The following TIAM1 variants were observed in gnomAD, a reference collection of about 807,000 sequenced individuals.
TIAM1 encodes the protein TIAM Rac1 associated GEF 1, also known as rho guanine nucleotide exchange factor TIAM1.
TIAM1 carries 65 observed loss-of-function variants against 163.5 expected under a neutral mutation model. That is an observed-to-expected ratio of 0.40 (90% confidence interval 0.33 to 0.49). The LOEUF (loss-of-function observed/expected upper bound fraction) is 0.49, where lower values mean the gene tolerates loss of function less well. TIAM1 is among the 20% of genes least tolerant of loss of function. The probability of loss-of-function intolerance (pLI) is 0.77; values close to 1 mark genes in which losing one functional copy is unlikely to be tolerated. For missense variants in TIAM1, 1,789 were observed against 2,044.7 expected, an observed-to-expected ratio of 0.87 and a Z score of 2.41; for synonymous variants, 833 against 810.1, an observed-to-expected ratio of 1.03 and a Z score of -0.48.
At chr21:31,229,658 T>C (rs1391494879) in intron 6 of TIAM1, among the ~76,000 whole-genome samples, 51 of 127,484 alleles carry the variant, frequency 4.0e-4, no homozygotes, top group Non-Finnish European at 3.2e-4. Context: ...TCACCCCCCC[T>C]TTTTTTTTTG....
chr21:31,525,812 T>C lies in TIAM1; in HGVS notation c.-422+33115A>G, dbSNP rs546147211. ...ACTTTGGAAGGCTGAGATGGGTGGA[T>C]CATTTGAAGTCAGGAGTTCGAGGCC... On this transcript the variant is annotated intron_variant, in intron 1 of 28. Coordinates refer to the TIAM1 transcript ENST00000286827. Among the ~76,000 whole-genome samples, 197 of 152,146 alleles carry C rather than the reference T, an allele frequency of 1.3e-3. 1 individual carries two copies. Among genetic ancestry groups the C allele is most frequent in the African/African-American group, 4.6e-3 (189 of 41,516 alleles).
At chr21:31,307,603 G>T (rs992839618) in intron 2 of TIAM1, among the ~76,000 whole-genome samples, 5 of 152,144 alleles carry the variant, frequency 3.3e-5, no homozygotes, top group Admixed American at 2.6e-4. Flanking sequence ...AATTGGGGAG[G>T]TGGGTGCGAT....
intron 1 of TIAM1, among the ~76,000 whole-genome samples, chr21:31,495,592 T>G (rs959724602): frequency 1.3e-5 from 2 of 152,202 alleles, no homozygotes; most frequent in Non-Finnish European, 2.9e-5. Flanking sequence ...AGGGGCCACA[T>G]TCGAACCACA....
chr21:31,402,570 T>C (rs1029761532), intron 2 of TIAM1, among the ~76,000 whole-genome samples: 61 of 152,254 alleles, frequency 4.0e-4, no homozygotes, highest in African/African-American at 1.4e-3. Context: ...TGAGTTCACT[T>C]GAGAGAGCTT....
chr21:31,327,469 T>A (rs1414674423), intron 2 of TIAM1, among the ~76,000 whole-genome samples: 1 of 151,362 alleles, frequency 6.6e-6, no homozygotes, highest in East Asian at 1.9e-4. Flanking sequence ...GCAAAACCCA[T>A]CTCTACTAAA....
chr21:31,428,778 G>A (rs2147273645), intron 2 of TIAM1, among the ~76,000 whole-genome samples: 2 of 151,822 alleles, frequency 1.3e-5, no homozygotes, highest in Admixed American at 1.3e-4. Flanking sequence ...AGCTACTGGG[G>A]AGGCTGAGGT....
At chr21:31,366,618 C>T (rs2076508351) in intron 2 of TIAM1, among the ~76,000 whole-genome samples, 1 of 152,042 alleles carries the variant, frequency 6.6e-6, no homozygotes, top group Non-Finnish European at 1.5e-5. Flanking sequence ...AGAGGATGCT[C>T]AGGGGCTTTC....
chr21:31,548,132 C>CTTTTTTTTT (rs553946414), intron 1 of TIAM1, among the ~76,000 whole-genome samples: 2 of 74,996 alleles, frequency 2.7e-5, no homozygotes, highest in African/African-American at 5.4e-5. Context: ...TTATTTGTGT[C>CTTTTTTTTT]TTTTTTTTTT....
chr21:31,494,669 C>T (rs11088176), intron 1 of TIAM1, among the ~76,000 whole-genome samples: 60,437 of 151,948 alleles, frequency 0.4, 12,866 homozygotes, highest in East Asian at 0.76. Context: ...ACGGTGAAAA[C>T]CTGTCTCTAC....
chr21:31,439,432 G>A (rs1255812200), intron 2 of TIAM1, among the ~76,000 whole-genome samples: 1 of 152,160 alleles, frequency 6.6e-6, no homozygotes, highest in Non-Finnish European at 1.5e-5. Context: ...TGGGATTACA[G>A]GCATGCACCA....
chr21:31,498,620 G>A lies in TIAM1; in HGVS notation c.-421-34585C>T, dbSNP rs533917764. On this transcript the variant is annotated intron_variant, in intron 1 of 28. Coordinates refer to the TIAM1 transcript ENST00000286827. ...ATATTTGTATTTGAAAAAGGGTGTG[G>A]GACTAGTGAGAAGTCAAGACATGGG... Among the ~76,000 whole-genome samples, 67 of 152,156 alleles carry A rather than the reference G, an allele frequency of 4.4e-4. 1 individual carries two copies. The highest frequency in any genetic ancestry group is 4.9e-4 in the Non-Finnish European group (33 of 68,036).
intron 10 of TIAM1, among the ~76,000 whole-genome samples, chr21:31,212,114 T>C (rs1256392995): frequency 6.6e-6 from 1 of 152,176 alleles, no homozygotes; most frequent in African/African-American, 2.4e-5. Flanking sequence ...ACAGTGGCCA[T>C]GGATGAGTAT....
At chr21:31,497,724 T>G (rs1278685070) in intron 1 of TIAM1, among the ~76,000 whole-genome samples, 1 of 152,204 alleles carries the variant, frequency 6.6e-6, no homozygotes, top group Non-Finnish European at 1.5e-5. Flanking sequence ...GCAGACAGTT[T>G]GGAGTGGCTT....
At chr21:31,359,062 A>T (rs895741903) in intron 2 of TIAM1, among the ~76,000 whole-genome samples, 1 of 151,992 alleles carries the variant, frequency 6.6e-6, no homozygotes, top group African/African-American at 2.4e-5. Context: ...TAATTTCTTT[A>T]TATTCTTTTA....
intron 2 of TIAM1, among the ~76,000 whole-genome samples, chr21:31,448,892 T>C (rs2044725164): frequency 6.6e-6 from 1 of 152,130 alleles, no homozygotes; most frequent in South Asian, 2.1e-4. Flanking sequence ...GTGGCCTAGG[T>C]ACTTGACCTC....
At chr21:31,466,482 CTGGAAGG>C (rs1219747632) in intron 1 of TIAM1, among the ~76,000 whole-genome samples, 10 of 140,998 alleles carry the variant, frequency 7.1e-5, no homozygotes, top group African/African-American at 2.4e-4. Context: ...CTGGGAAGGC[CTGGAAGG>C]TGGGGGTGGG....
At chr21:31,486,470 C>T (rs1284860826) in intron 1 of TIAM1, among the ~76,000 whole-genome samples, 1 of 152,266 alleles carries the variant, frequency 6.6e-6, no homozygotes, top group Middle Eastern at 3.2e-3. Context: ...TCAGCACCTC[C>T]ACCAGCCTGT....
intron 1 of TIAM1, among the ~76,000 whole-genome samples, chr21:31,534,053 T>A (rs759906639): frequency 3.3e-5 from 5 of 152,234 alleles, no homozygotes; most frequent in Admixed American, 6.5e-5. Flanking sequence ...AATACCCGCC[T>A]GGCATCCAGA....
intron 2 of TIAM1, among the ~76,000 whole-genome samples, chr21:31,396,897 C>CGA (rs1459006737): frequency 6.6e-6 from 1 of 151,920 alleles, no homozygotes; most frequent in Admixed American, 6.6e-5. Flanking sequence ...TGCAGTGAAC[C>CGA]GAGATCGCGC....
Sources: gnomAD v4.1 joint callset for allele counts (sites outside exome capture counted in the v4.1 genomes callset) on GRCh38, gnomAD v4.1.1 for gene constraint, MANE v1.5 for transcripts, NCBI Gene and HGNC (gene_info 2026-07-23, HGNC 2026-07-21) for gene names.